Variants in KMT2C observed in about 807,000 individuals in gnomAD.
The protein encoded by KMT2C is lysine methyltransferase 2C, also known as histone-lysine N-methyltransferase 2C.
KMT2C carries 88 observed loss-of-function variants against 507.9 expected under a neutral mutation model. The observed-to-expected ratio is 0.17, with a 90% CI of 0.15 to 0.21. The LOEUF is 0.21. KMT2C is among the 10% of genes least tolerant of loss of function. The pLI, the probability that KMT2C is intolerant of heterozygous loss-of-function variation, is 1.00. For missense variants in KMT2C, 4,954 were observed against 5,957.8 expected, an observed-to-expected ratio of 0.83 and a Z score of 5.55; for synonymous variants, 2,049 against 2,080.8, an observed-to-expected ratio of 0.98 and a Z score of 0.42.
rs1200314833 is a variant in KMT2C at position 152,215,676 on chromosome 7, A to AAT, written c.3712+4845_3712+4846dup. 3.6e-3 allele frequency among the ~76,000 whole-genome samples: 480 copies of AAT among 134,570 alleles called. 38 individuals carry two copies. Among genetic ancestry groups the AAT allele is most frequent in the African/African-American group, 0.014 (420 of 29,018 alleles). The allele number at this position is 134,570 out of a possible 152,430, so 88.3% of individuals were successfully genotyped here. A position where few individuals can be genotyped will look rare whatever the true frequency, so the allele number is the denominator to read the frequency against. On this transcript the variant is annotated intron_variant, in intron 23 of 58. Coordinates refer to ENST00000262189, the MANE Select transcript of KMT2C (RefSeq NM_170606.3). ...AATAGTAGTAAGACAAAAGGAACAA[A>AAT]ATATATATATATACACACACACATA...
At chr7:152,372,482 C>CCT (rs2097299911) in intron 1 of KMT2C, among the ~76,000 whole-genome samples, 1 of 152,008 alleles carries the variant, frequency 6.6e-6, no homozygotes. Flanking sequence ...ACAAGATCCA[C>CCT]CTATATGCTG....
In KMT2C at chr7:152,179,928, G is replaced by C. The variant is rs1193738624; in HGVS notation, c.7348C>G (p.Pro2450Ala). 6.2e-7 allele frequency: 1 copy of C among 1,614,110 alleles called. No homozygotes were observed. The highest frequency in any genetic ancestry group is 8.5e-7 in the Non-Finnish European group (1 of 1,179,986). The change falls in exon 37 of 59, where the codon CCT becomes GCT. Residue 2450 changes from proline to alanine, a missense_variant. By Grantham distance (27) the Pro-to-Ala change is conservative. This residue lies in a region of KMT2C where 1,689 missense variants were observed against 1,654.3 expected (regional missense o/e 1.02). Transcript: ENST00000262189. ...AAAACAGCATATCTAGGTCCTAAAGGAGGGGCAACAGGAGACCTAATGTTC... is the reference window on the plus strand; with the variant it reads ...AAAACAGCATATCTAGGTCCTAAAGCAGGGGCAACAGGAGACCTAATGTTC... ...PGNIRSPVAPPLGPRYAVFPK... is the reference protein window; with the variant it reads ...PGNIRSPVAPALGPRYAVFPK...
chr7:152,297,059 G>GACAGAAAGAAAGAAAGAA (rs1563767704), intron 6 of KMT2C, among the ~76,000 whole-genome samples: 30 of 64,436 alleles, frequency 4.7e-4, no homozygotes, highest in African/African-American at 1.5e-3. Flanking sequence ...GAAAGACAGA[G>GACAGAAAGAAAGAAAGAA]AGAGAGAGAG....
intron 1 of KMT2C, among the ~76,000 whole-genome samples, chr7:152,376,126 T>C (rs577298855): frequency 1.3e-5 from 2 of 152,264 alleles, no homozygotes; most frequent in African/African-American, 4.8e-5. Flanking sequence ...TTGTAATTGT[T>C]TTGGAACACC....
At chr7:152,139,476 G>A (rs1322017832) in intron 56 of KMT2C, among the ~76,000 whole-genome samples, 199 bp downstream of exon 56, 2 of 152,200 alleles carry the variant, frequency 1.3e-5, no homozygotes, top group Non-Finnish European at 2.9e-5. Flanking sequence ...TTAATTTACA[G>A]TTGTCTATCA....
At chr7:152,197,654 T>C (rs2094004686) in intron 27 of KMT2C, among the ~76,000 whole-genome samples, 2 of 152,170 alleles carry the variant, frequency 1.3e-5, no homozygotes, top group African/African-American at 4.8e-5. Flanking sequence ...TATACAATTA[T>C]AACTAATTTT....
intron 1 of KMT2C, among the ~76,000 whole-genome samples, chr7:152,411,356 A>C (rs535013598): frequency 6.6e-6 from 1 of 152,162 alleles, no homozygotes; most frequent in Non-Finnish European, 1.5e-5. Flanking sequence ...GCTCCCAATC[A>C]AGTCCGACAA....
chr7:152,371,852 G>A (rs984815175), intron 1 of KMT2C, among the ~76,000 whole-genome samples: 3 of 152,072 alleles, frequency 2.0e-5, no homozygotes, highest in Admixed American at 2.0e-4. Context: ...GACCTCAGGT[G>A]ATCCACCTGC....
intron 1 of KMT2C, among the ~76,000 whole-genome samples, chr7:152,422,005 A>C (rs940936163): frequency 4.6e-5 from 7 of 152,198 alleles, no homozygotes; most frequent in African/African-American, 1.4e-4. Flanking sequence ...AGAATAACCA[A>C]ATGTTTTCAA....
intron 3 of KMT2C, among the ~76,000 whole-genome samples, chr7:152,323,800 G>A (rs1219015625): frequency 1.5e-5 from 2 of 131,706 alleles, no homozygotes; most frequent in Admixed American, 7.7e-5. Flanking sequence ...GGGAAGGGAG[G>A]CAGGGAGGGG....
At chr7:152,340,824 T>C (rs2096984617) in intron 2 of KMT2C, among the ~76,000 whole-genome samples, 1 of 152,172 alleles carries the variant, frequency 6.6e-6, no homozygotes, top group Non-Finnish European at 1.5e-5. Context: ...AAGAGTCCAA[T>C]ACTTGTCAAA....
chr7:152,404,630 T>TGAAAA (rs113947433), intron 1 of KMT2C, among the ~76,000 whole-genome samples: 17 of 55,260 alleles, frequency 3.1e-4, no homozygotes, highest in African/African-American at 8.5e-4. Flanking sequence ...GACTCAGGTC[T>TGAAAA]CAAAAAAAAA....
intron 42 of KMT2C, among the ~76,000 whole-genome samples, chr7:152,165,309 T>C (rs1244592819): frequency 1.3e-5 from 2 of 152,252 alleles, no homozygotes; most frequent in South Asian, 2.1e-4. Flanking sequence ...ATGTAATAGA[T>C]GATGTATCCC....
chr7:152,341,677 A>C (rs2129220026), intron 2 of KMT2C, among the ~76,000 whole-genome samples: 1 of 152,318 alleles, frequency 6.6e-6, no homozygotes, highest in South Asian at 2.1e-4. Flanking sequence ...TAATATACTA[A>C]AGTTAGGGAA....
intron 43 of KMT2C, among the ~76,000 whole-genome samples, chr7:152,160,729 G>A (rs1447343832): frequency 6.7e-6 from 1 of 150,202 alleles, no homozygotes; most frequent in East Asian, 1.9e-4. Context: ...TTTGGGGGGA[G>A]GGGCTACTTT....
At chr7:152,143,902 G>C (rs1283920063) in intron 55 of KMT2C, among the ~76,000 whole-genome samples, 5 of 152,234 alleles carry the variant, frequency 3.3e-5, no homozygotes, top group Non-Finnish European at 7.3e-5. Context: ...GAACTGGATG[G>C]GAGGAGACAG....
intron 34 of KMT2C, among the ~76,000 whole-genome samples, chr7:152,184,339 T>G (rs1661514820): frequency 6.6e-6 from 1 of 151,906 alleles, no homozygotes; most frequent in South Asian, 2.1e-4. Context: ...AGCTGGAAAA[T>G]AACTATATAT....
chr7:152,289,918 A>G (rs2096379513), intron 6 of KMT2C, among the ~76,000 whole-genome samples: 1 of 152,014 alleles, frequency 6.6e-6, no homozygotes, highest in Non-Finnish European at 1.5e-5. Context: ...CTGGCGGTGC[A>G]TGCCTATAGT....
chr7:152,358,825 TATC>T, intron 1 of KMT2C, 150 bp from the exon 2 acceptor site: 1 of 563,846 alleles, frequency 1.8e-6, no homozygotes. Flanking sequence ...AAGTAGAAAA[TATC>T]AGAGTTTACA....
Sources: gnomAD v4.1 joint callset for allele counts (sites outside exome capture counted in the v4.1 genomes callset) on GRCh38, gnomAD v4.1.1 for gene constraint, gnomAD v4.1.1 regional missense constraint, MANE v1.5 for transcripts, NCBI Gene and HGNC (gene_info 2026-07-23, HGNC 2026-07-21) for gene names.